ANTXR1: variants seen among roughly 807,000 people sequenced by gnomAD.
The protein encoded by ANTXR1 is anthrax toxin receptor 1.
A neutral mutation model predicts 78.1 loss-of-function variants in ANTXR1; 19 were observed. That is an observed-to-expected ratio of 0.24 (90% CI 0.17 to 0.36). The LOEUF (loss-of-function observed/expected upper bound fraction) is 0.36, where lower values mean the gene tolerates loss of function less well. Among genes scored for constraint, ANTXR1 ranks in the 10% least tolerant of loss-of-function variants. The pLI is 1.00. For missense variants in ANTXR1, 518 were observed against 718.6 expected, an observed-to-expected ratio of 0.72 and a Z score of 3.19; for synonymous variants, 273 against 260.5, an observed-to-expected ratio of 1.05 and a Z score of -0.46.
chr2:69,198,487 A>G (rs1442307505), intron 17 of ANTXR1, among the ~76,000 whole-genome samples: 2 of 152,156 alleles, frequency 1.3e-5, no homozygotes, highest in Non-Finnish European at 2.9e-5. Flanking sequence ...AAAGCCTACT[A>G]TGTATCAGAT....
intron 1 of ANTXR1, among the ~76,000 whole-genome samples, chr2:69,022,794 G>A (rs1435812462): frequency 2.6e-5 from 4 of 152,216 alleles, no homozygotes; most frequent in Admixed American, 2.6e-4. Context: ...TATAGCTGAG[G>A]CAGCACACAC....
At chr2:69,112,716 T>C (rs1672026709) in intron 10 of ANTXR1, among the ~76,000 whole-genome samples, 1 of 152,180 alleles carries the variant, frequency 6.6e-6, no homozygotes, top group South Asian at 2.1e-4. Context: ...CGAGTGGCCC[T>C]TTTTCTTGAA....
chr2:69,153,658 T>G (rs1185269125), intron 13 of ANTXR1, among the ~76,000 whole-genome samples: 1 of 152,226 alleles, frequency 6.6e-6, no homozygotes, highest in African/African-American at 2.4e-5. Flanking sequence ...GCCCAAGTGC[T>G]TTCTATGGAG....
intron 10 of ANTXR1, among the ~76,000 whole-genome samples, chr2:69,114,473 T>G (rs1017418975): frequency 6.6e-6 from 1 of 152,218 alleles, no homozygotes; most frequent in African/African-American, 2.4e-5. Flanking sequence ...CCTCTGGGAA[T>G]GGACTCATGG....
At chr2:69,031,302 T>G (rs1432449660) in intron 1 of ANTXR1, among the ~76,000 whole-genome samples, 1 of 152,226 alleles carries the variant, frequency 6.6e-6, no homozygotes, top group Non-Finnish European at 1.5e-5. Flanking sequence ...TCTTGCCATC[T>G]TGAATTTTGT....
chr2:69,201,164 G>A (rs1043790977), intron 17 of ANTXR1, among the ~76,000 whole-genome samples: 6 of 152,214 alleles, frequency 3.9e-5, no homozygotes, highest in African/African-American at 1.2e-4. Context: ...CTCTGTGATG[G>A]AGCTGAGCAC....
At chr2:69,212,049 C>T (rs1675055400) in intron 17 of ANTXR1, among the ~76,000 whole-genome samples, 1 of 152,222 alleles carries the variant, frequency 6.6e-6, no homozygotes, top group African/African-American at 2.4e-5. Flanking sequence ...GTGCCTCAGA[C>T]CATCTTAATA....
intron 10 of ANTXR1, among the ~76,000 whole-genome samples, chr2:69,122,394 C>G (rs1672376594): frequency 6.6e-6 from 1 of 152,166 alleles, no homozygotes; most frequent in Non-Finnish European, 1.5e-5. Flanking sequence ...CTCCAACTAC[C>G]CTTAGACGTG....
chr2:69,020,498 T>G (rs1486067299), intron 1 of ANTXR1, among the ~76,000 whole-genome samples: 1 of 152,198 alleles, frequency 6.6e-6, no homozygotes, highest in Non-Finnish European at 1.5e-5. Context: ...AAACTCAGTG[T>G]CAAGGAGTGT....
chr2:69,220,547 G>A (rs1258618353), intron 17 of ANTXR1, among the ~76,000 whole-genome samples: 1 of 152,182 alleles, frequency 6.6e-6, no homozygotes, highest in Admixed American at 6.5e-5. Context: ...CAGCTTGTAT[G>A]TAGAACATAA....
At chr2:69,077,164 G>A (rs989102293) in intron 7 of ANTXR1, 19 of 564,946 alleles carry the variant, frequency 3.4e-5, no homozygotes, top group South Asian at 1.5e-4. Flanking sequence ...CTCTGCTCCC[G>A]AGGAGAAAAG....
At chr2:69,124,768 G>A (rs1468475719) in intron 12 of ANTXR1, 125 bp downstream of exon 12, 25 of 969,048 alleles carry the variant, frequency 2.6e-5, no homozygotes, top group Non-Finnish European at 6.4e-6. Flanking sequence ...TGCTTGCTGA[G>A]CTTTGATCCC....
At chr2:69,062,263 C>T (rs1282330453) in intron 3 of ANTXR1, among the ~76,000 whole-genome samples, 4 of 152,208 alleles carry the variant, frequency 2.6e-5, no homozygotes, top group African/African-American at 7.2e-5. Flanking sequence ...ACCCACATTT[C>T]TGCATTTTTC....
intron 1 of ANTXR1, among the ~76,000 whole-genome samples, chr2:69,019,617 A>T (rs1039369142): frequency 6.6e-5 from 10 of 152,076 alleles, no homozygotes; most frequent in Non-Finnish European, 1.3e-4. Context: ...AAAGATGTTA[A>T]AAAAAAGAAA....
chr2:69,134,802 A>G (rs1672863667), intron 12 of ANTXR1, among the ~76,000 whole-genome samples: 1 of 152,190 alleles, frequency 6.6e-6, no homozygotes, highest in Admixed American at 6.5e-5. Context: ...AGAGTACTTC[A>G]AACTCCTGAG....
intron 2 of ANTXR1, 39 bp from the exon 3 acceptor site, chr2:69,044,703 C>A (rs777823070): frequency 1.2e-6 from 2 of 1,604,792 alleles, no homozygotes; most frequent in Non-Finnish European, 1.7e-6. Flanking sequence ...CATGCGCAGT[C>A]TTATTGTCTG....
chr2:69,114,750 C>G lies in ANTXR1; in HGVS notation c.803-8267C>G, dbSNP rs138290694. Among the ~76,000 whole-genome samples, 244 of 152,274 alleles carry G rather than the reference C, an allele frequency of 1.6e-3. 7 individuals carry two copies. The East Asian group carries it at 0.033, about 21-fold the overall frequency. The stretch of plus-strand genomic sequence containing the variant: ...CAGGCAGAGTGGCTCAGATGCAATT[C>G]CATCTACCCCTAAGAAAACCTGGAC... On this transcript the variant is annotated intron_variant, in intron 10 of 17. Coordinates refer to ENST00000303714, the MANE Select transcript of ANTXR1 (RefSeq NM_032208.3).
At chr2:69,072,034 C>T (rs68146531) in intron 5 of ANTXR1, among the ~76,000 whole-genome samples, 64,736 of 152,012 alleles carry the variant, frequency 0.43, 14,960 homozygotes, top group Middle Eastern at 0.55. Flanking sequence ...TGGCCACAGT[C>T]TAATTCCCAT....
rs192765067 is a variant in ANTXR1 at position 69,247,939 on chromosome 2, A to G, written c.*2454A>G. On this transcript the variant is annotated 3_prime_UTR_variant, in exon 18 of 18. Transcript: ENST00000303714. Reference sequence around the variant, plus strand: ...AACTGCAAATGTATGATGATTTTGAAAAGGCTCAGCAGGATTTGTTCTTAA... The same window carrying G: ...AACTGCAAATGTATGATGATTTTGAGAAGGCTCAGCAGGATTTGTTCTTAA... 6.5e-6 allele frequency: 1 copy of G among 153,376 alleles called. No individual in the cohort carries two copies. The highest frequency in any genetic ancestry group is 1.9e-4 in the East Asian group (1 of 5,184). The allele number at this position is 153,376 out of a possible 1,614,324, so 9.5% of individuals were successfully genotyped here.
Sources: allele counts gnomAD v4.1 joint callset (sites outside exome capture counted in the v4.1 genomes callset), GRCh38; gene constraint gnomAD v4.1.1; transcripts MANE v1.5; gene names NCBI Gene and HGNC (gene_info 2026-07-23, HGNC 2026-07-21).